The following SEC16B variants were observed in gnomAD, a reference collection of about 807,000 sequenced individuals.
SEC16B encodes protein transport protein Sec16B.
In SEC16B, 115 loss-of-function variants were observed where a neutral mutation model predicts 141.8. That is an observed-to-expected ratio of 0.81 (90% CI 0.70 to 0.95). The LOEUF is 0.95. Among genes scored for constraint, SEC16B ranks in the 40% least tolerant of loss-of-function variants. SEC16B has a pLI of 0.00. For synonymous variants in SEC16B, 493 were observed against 492.5 expected (o/e 1.00, Z -0.01); for missense variants, 1,291 against 1,312.3 (o/e 0.98, Z 0.25).
chr1:177,973,776 A>C (rs935258519), upstream of SEC16B, among the ~76,000 whole-genome samples: 13 of 152,196 alleles, frequency 8.5e-5, no homozygotes, highest in African/African-American at 3.1e-4. Context: ...GTAGACATTG[A>C]ATCATAATAC....
chr1:177,967,307 G>T (rs1653606684), intron 2 of SEC16B, among the ~76,000 whole-genome samples: 1 of 152,076 alleles, frequency 6.6e-6, no homozygotes, highest in Admixed American at 6.5e-5. Flanking sequence ...TCCTTATAGG[G>T]ATCTCCAAGA....
At chr1:177,976,322 C>T (rs1654170371) in intron 1 of SEC16B, among the ~76,000 whole-genome samples, 1 of 152,142 alleles carries the variant, frequency 6.6e-6, no homozygotes, top group African/African-American at 2.4e-5. Flanking sequence ...CCCCCTATAT[C>T]AAGAACAGTG....
intron 1 of SEC16B, among the ~76,000 whole-genome samples, 169 bp from the exon 2 acceptor site, chr1:177,968,208 C>A (rs1653709721): frequency 6.6e-6 from 1 of 152,076 alleles, no homozygotes; most frequent in Non-Finnish European, 1.5e-5. Context: ...ATACATGAAG[C>A]AAATAACAGA....
chr1:177,971,083 C>CCT (rs573764025), upstream of SEC16B, among the ~76,000 whole-genome samples: 1 of 145,788 alleles, frequency 6.9e-6, no homozygotes, highest in African/African-American at 2.5e-5. Context: ...CTAATGGTTT[C>CCT]TTTTTTTTTT....
At chr1:177,952,125 G>T in intron 11 of SEC16B, 130 bp from the exon 12 acceptor site, 1 of 744,066 alleles carries the variant, frequency 1.3e-6, no homozygotes. Context: ...GCATCGCTTT[G>T]CTTTCTGCTG....
At chr1:177,950,195 T>C (rs1652061769) in intron 12 of SEC16B, among the ~76,000 whole-genome samples, 1 of 151,848 alleles carries the variant, frequency 6.6e-6, no homozygotes, top group South Asian at 2.1e-4. Context: ...TTATTTAAAC[T>C]AGTGTTCACC....
chr1:177,944,022 C>T (rs1439179195), intron 15 of SEC16B, among the ~76,000 whole-genome samples: 5 of 152,142 alleles, frequency 3.3e-5, no homozygotes, highest in South Asian at 2.1e-4. Context: ...CATGTAGAAA[C>T]GTTGAGAAGA....
chr1:177,959,117 G>T (rs1297104656), intron 8 of SEC16B, 142 bp from the exon 9 acceptor site: 1 of 829,254 alleles, frequency 1.2e-6, no homozygotes. Context: ...AAGGTAATGA[G>T]TCTATAGCTA....
At chr1:177,953,837 C>T (rs1306609043) in intron 11 of SEC16B, among the ~76,000 whole-genome samples, 1 of 152,054 alleles carries the variant, frequency 6.6e-6, no homozygotes, top group African/African-American at 2.4e-5. Flanking sequence ...CCACAGCTCA[C>T]GACCCTGCTA....
upstream of SEC16B, among the ~76,000 whole-genome samples, chr1:177,974,102 G>A (rs1156498504): frequency 6.6e-6 from 1 of 150,914 alleles, no homozygotes; most frequent in Non-Finnish European, 1.5e-5. Flanking sequence ...AAGTTTTCAG[G>A]CTGTGGAGAT....
At chr1:177,978,109 C>T (rs890696538) in intron 1 of SEC16B, among the ~76,000 whole-genome samples, 2 of 152,280 alleles carry the variant, frequency 1.3e-5, no homozygotes, top group East Asian at 1.9e-4. Flanking sequence ...AGAGCTCAGG[C>T]TTTGCAGTCA....
At position 177,954,595 on chromosome 1, in the gene SEC16B, A is replaced by G. The variant is rs1652453766; in HGVS notation, c.1366-219T>C. On this transcript the variant is annotated intron_variant, in intron 10 of 25. Coordinates refer to ENST00000308284, the MANE Select transcript of SEC16B (RefSeq NM_033127.4). ...ACCAGCCTTCACTTTATCAAAATCC[A>G]CTGTGCTATTCCATCATCTTCCCAT... Among the ~76,000 whole-genome samples, 13 of 152,154 alleles carry G rather than the reference A, an allele frequency of 8.5e-5. 1 individual carries two copies. Among genetic ancestry groups the G allele is most frequent in the Admixed American group, 8.5e-4 (13 of 15,276 alleles).
intron 7 of SEC16B, 127 bp downstream of exon 7, chr1:177,960,664 A>T: frequency 3.8e-6 from 4 of 1,054,492 alleles, no homozygotes; most frequent in Non-Finnish European, 5.5e-6. Flanking sequence ...TACATGGCCC[A>T]GTTTCCCGCA....
In SEC16B at chr1:177,946,530, A is replaced by G. The variant is rs1353741889; in HGVS notation, c.1665T>C (p.Ala555=). ...GAGCTGCCTCCACAAGCCCCTTCCC[A>G]GCTGCGGGAGGAAGAGAACAAGACC... ...RAIVAIGDTL[A]GKGLVEAAHF... is the part of the protein sequence containing the mutation. The change falls in exon 14 of 26, where the codon GCT becomes GCC. Residue 555 remains alanine, a splice_region_variant and synonymous_variant. Transcript: ENST00000308284. The G allele has an allele frequency of 6.4e-7, 1 of 1,569,194 alleles. No individual in the cohort carries two copies.
intron 1 of SEC16B, among the ~76,000 whole-genome samples, chr1:177,982,081 G>A (rs1654441122): frequency 6.6e-6 from 1 of 152,138 alleles, no homozygotes; most frequent in African/African-American, 2.4e-5. Context: ...AACCAAGGGA[G>A]GAGAGGCTGT....
intron 24 of SEC16B, 58 bp downstream of exon 24, chr1:177,932,432 G>T: frequency 7.6e-7 from 1 of 1,313,404 alleles, no homozygotes; most frequent in East Asian, 2.6e-5. Context: ...TGAAGGTTCA[G>T]TCCTCACACA....
At position 177,969,869 on chromosome 1, in the gene SEC16B, A is replaced by C. The variant is rs1653845005; in HGVS notation, c.-59+15T>G. ...CTCAAAGAGGGGAAAGAAGGGAGCG[A>C]GTGTTCCCACACACCTGCTCTGATG... On this transcript the variant is annotated intron_variant, in intron 1 of 25. Coordinates refer to ENST00000308284, the MANE Select transcript of SEC16B (RefSeq NM_033127.4). 1 of 152,144 alleles carries C rather than the reference A, an allele frequency of 6.6e-6. No individual in the cohort carries two copies. The highest frequency in any genetic ancestry group is 2.4e-5 in the African/African-American group (1 of 41,422). The allele number at this position is 152,144 out of a possible 1,614,324, so 9.4% of individuals were successfully genotyped here. A position where few individuals can be genotyped will look rare whatever the true frequency, so the allele number is the denominator to read the frequency against.
intron 18 of SEC16B, among the ~76,000 whole-genome samples, chr1:177,938,386 C>A (rs551509407): frequency 6.6e-6 from 1 of 152,202 alleles, no homozygotes; most frequent in Non-Finnish European, 1.5e-5. Flanking sequence ...ATGTGTTACA[C>A]GCACATTAGT....
chr1:177,945,384 C>A (rs1651605779), intron 14 of SEC16B: 1 of 152,232 alleles, frequency 6.6e-6, no homozygotes, highest in Admixed American at 6.5e-5. Flanking sequence ...TCAACATAAA[C>A]CAACGTAAAC....
Sources: allele counts gnomAD v4.1 joint callset (sites outside exome capture counted in the v4.1 genomes callset), GRCh38; gene constraint gnomAD v4.1.1; transcripts MANE v1.5; gene names NCBI Gene and HGNC (gene_info 2026-07-23, HGNC 2026-07-21).